GRIP1: variants seen among roughly 807,000 people sequenced by gnomAD.
GRIP1 encodes the protein glutamate receptor interacting protein 1.
Under a neutral mutation model 129.9 loss-of-function variants are expected in GRIP1, and 45 were observed. That is an observed-to-expected ratio of 0.35 (90% confidence interval 0.27 to 0.44). The LOEUF (loss-of-function observed/expected upper bound fraction) is 0.44, where lower values mean the gene tolerates loss of function less well. Among genes scored for constraint, GRIP1 ranks in the 20% least tolerant of loss-of-function variants. The pLI, the probability that GRIP1 is intolerant of heterozygous loss-of-function variation, is 1.00. For missense variants in GRIP1, 1,196 were observed against 1,396.8 expected (o/e 0.86, Z 2.29); for synonymous variants, 530 against 520.8 (o/e 1.02, Z -0.24).
At chr12:66,578,553 C>T (rs1279791654) in intron 2 of GRIP1, among the ~76,000 whole-genome samples, 2 of 152,114 alleles carry the variant, frequency 1.3e-5, no homozygotes, top group African/African-American at 2.4e-5. Flanking sequence ...CACTCCCACC[C>T]AAATACTGCG....
chr12:66,711,594 G>A (rs1316010374), intron 1 of GRIP1, among the ~76,000 whole-genome samples: 1 of 151,636 alleles, frequency 6.6e-6, no homozygotes. Flanking sequence ...ACTCAGCTTT[G>A]GGATTTTTTC....
At chr12:66,571,624 A>G (rs1275427151) in intron 2 of GRIP1, among the ~76,000 whole-genome samples, 2 of 152,200 alleles carry the variant, frequency 1.3e-5, no homozygotes, top group African/African-American at 4.8e-5. Context: ...TTTAAAAGTC[A>G]TTAAAGAATA....
chr12:66,907,620 C>T (rs1417413374), intron 1 of GRIP1, among the ~76,000 whole-genome samples: 2 of 152,078 alleles, frequency 1.3e-5, no homozygotes, highest in Non-Finnish European at 2.9e-5. Context: ...GGGGGGTCAG[C>T]ATTCCAAAGA....
chr12:66,864,543 T>G (rs2040168452), intron 1 of GRIP1, among the ~76,000 whole-genome samples: 1 of 129,488 alleles, frequency 7.7e-6, no homozygotes, highest in South Asian at 2.5e-4. Context: ...CAGTGAGACC[T>G]CATTTCTATT....
intron 1 of GRIP1, among the ~76,000 whole-genome samples, chr12:67,028,211 C>T (rs571296394): frequency 6.6e-6 from 1 of 152,316 alleles, no homozygotes; most frequent in South Asian, 2.1e-4. Flanking sequence ...CCTGGTTTCT[C>T]TTATTAATAC....
Position 66,379,398 on chromosome 12 carries a change from A to T in GRIP1, c.2503T>A (p.Tyr835Asn), listed in dbSNP as rs758154073. Reference sequence around the variant, plus strand: ...CTCTGTTTTGGACTCCTCCAGTCATAGGTGTTGAAATTGTATCCTGAGGCC... The same window carrying T: ...CTCTGTTTTGGACTCCTCCAGTCATTGGTGTTGAAATTGTATCCTGAGGCC... ...FQASGYNFNT[Y>N]DWRSPKQRGS... is the part of the protein sequence containing the mutation. The change falls in exon 20 of 25, where the codon TAT becomes AAT. Residue 835 changes from tyrosine to asparagine, a missense_variant. Tyr to Asn is a moderately radical substitution (Grantham distance 143). Transcript: ENST00000359742. 4 of 1,614,124 alleles carry T rather than the reference A, an allele frequency of 2.5e-6. No individual in the cohort carries two copies. Among genetic ancestry groups the T allele is most frequent in the Non-Finnish European group, 2.5e-6 (3 of 1,179,962 alleles).
At chr12:66,800,509 T>A (rs1359861579) in intron 1 of GRIP1, among the ~76,000 whole-genome samples, 1 of 152,178 alleles carries the variant, frequency 6.6e-6, no homozygotes, top group Non-Finnish European at 1.5e-5. Flanking sequence ...AGCACAGTGT[T>A]AAGAGATTGC....
chr12:66,960,720 G>A (rs1035766990), intron 1 of GRIP1, among the ~76,000 whole-genome samples: 1 of 152,130 alleles, frequency 6.6e-6, no homozygotes, highest in Non-Finnish European at 1.5e-5. Flanking sequence ...ACAATTGGGG[G>A]CATCTAGTGA....
upstream of GRIP1, among the ~76,000 whole-genome samples, chr12:66,682,457 T>C (rs2034622840): frequency 1.3e-5 from 2 of 152,192 alleles, no homozygotes; most frequent in Admixed American, 1.3e-4. Flanking sequence ...GTACTAATTT[T>C]ATCATAAGAA....
chr12:67,067,876 C>A (rs1438082913), intron 1 of GRIP1, among the ~76,000 whole-genome samples: 1 of 152,228 alleles, frequency 6.6e-6, no homozygotes, highest in African/African-American at 2.4e-5. Flanking sequence ...TTTCCTCGCC[C>A]ACCTACCCAC....
intron 1 of GRIP1, among the ~76,000 whole-genome samples, chr12:66,898,025 A>G (rs182045065): frequency 6.6e-6 from 1 of 152,364 alleles, no homozygotes; most frequent in Admixed American, 6.5e-5. Flanking sequence ...CAGTAGTTAA[A>G]GGGGAAAATA....
At chr12:66,578,631 A>G (rs1296536104) in intron 2 of GRIP1, among the ~76,000 whole-genome samples, 1 of 152,214 alleles carries the variant, frequency 6.6e-6, no homozygotes, top group Non-Finnish European at 1.5e-5. Flanking sequence ...AGAGGGTCCT[A>G]TGCCCACGGA....
At chr12:66,714,709 CTTA>C (rs1565983042) in intron 1 of GRIP1, among the ~76,000 whole-genome samples, 1 of 151,960 alleles carries the variant, frequency 6.6e-6, no homozygotes, top group African/African-American at 2.4e-5. Context: ...TTGATGAGTA[CTTA>C]TTATGATGAC....
upstream of GRIP1, among the ~76,000 whole-genome samples, chr12:66,680,048 G>C (rs1246776755): frequency 6.6e-6 from 1 of 151,930 alleles, no homozygotes; most frequent in African/African-American, 2.4e-5. Flanking sequence ...TCTCCCACAG[G>C]AGTTAACATA....
intron 1 of GRIP1, among the ~76,000 whole-genome samples, chr12:66,959,943 T>C (rs1264752159): frequency 1.3e-5 from 2 of 152,106 alleles, no homozygotes; most frequent in East Asian, 1.9e-4. Flanking sequence ...GAAAAAAATA[T>C]ATATATATCC....
chr12:66,985,396 C>T (rs2042297102), intron 1 of GRIP1, among the ~76,000 whole-genome samples: 1 of 152,040 alleles, frequency 6.6e-6, no homozygotes, highest in African/African-American at 2.4e-5. Flanking sequence ...CATAAAGAAC[C>T]TACACAATAA....
intron 7 of GRIP1, among the ~76,000 whole-genome samples, chr12:66,473,968 T>C (rs146900826): frequency 1.7e-4 from 26 of 152,050 alleles, no homozygotes; most frequent in African/African-American, 6.0e-4. Flanking sequence ...AACAAAACTG[T>C]ACAGAGAATG....
intron 1 of GRIP1, among the ~76,000 whole-genome samples, chr12:66,898,792 A>G (rs950850805): frequency 1.3e-5 from 2 of 152,212 alleles, no homozygotes; most frequent in African/African-American, 4.8e-5. Context: ...TTTATTAGCA[A>G]CAATTACAAT....
chr12:66,936,918 A>G (rs967000164), intron 1 of GRIP1, among the ~76,000 whole-genome samples: 13 of 152,152 alleles, frequency 8.5e-5, no homozygotes, highest in African/African-American at 2.9e-4. Context: ...GAAAGCCACA[A>G]AACTGTTCTG....
Sources: gnomAD v4.1 joint callset for allele counts (sites outside exome capture counted in the v4.1 genomes callset) on GRCh38, gnomAD v4.1.1 for gene constraint, MANE v1.5 for transcripts, NCBI Gene and HGNC (gene_info 2026-07-23, HGNC 2026-07-21) for gene names.